The following GRID1 variants were observed in gnomAD, a reference collection of about 807,000 sequenced individuals.
The protein encoded by GRID1 is glutamate receptor ionotropic, delta-1.
A neutral mutation model predicts 98.0 loss-of-function variants in GRID1; 28 were observed. The ratio of observed to expected loss-of-function variants is 0.29; its 90% CI spans 0.21 to 0.39. GRID1 has a LOEUF of 0.39. Ranked by LOEUF, GRID1 falls within the 10% of genes least tolerant of loss-of-function variation. The pLI is 1.00. For synonymous variants in GRID1, 553 were observed against 538.5 expected (o/e 1.03, Z -0.37); for missense variants, 1,111 against 1,340.5 (o/e 0.83, Z 2.67).
chr10:85,694,576 AT>A (rs1412861947), intron 12 of GRID1, among the ~76,000 whole-genome samples: 1 of 91,992 alleles, frequency 1.1e-5, no homozygotes, highest in African/African-American at 7.6e-5. Context: ...ATATATATAT[AT>A]ATATATATAT....
intron 12 of GRID1, among the ~76,000 whole-genome samples, chr10:85,693,846 G>C (rs1268949980): frequency 6.6e-6 from 1 of 152,086 alleles, no homozygotes; most frequent in Non-Finnish European, 1.5e-5. Flanking sequence ...AGAAAACCAA[G>C]GGCAAACCAG....
At chr10:85,742,121 C>T (rs936784267) in intron 8 of GRID1, among the ~76,000 whole-genome samples, 1 of 152,222 alleles carries the variant, frequency 6.6e-6, no homozygotes, top group African/African-American at 2.4e-5. Flanking sequence ...GGGAGGATGT[C>T]TATTTTGCTC....
intron 4 of GRID1, among the ~76,000 whole-genome samples, chr10:86,024,496 T>A (rs1843090750): frequency 6.6e-6 from 1 of 152,176 alleles, no homozygotes; most frequent in Non-Finnish European, 1.5e-5. Flanking sequence ...TGGCTAAATT[T>A]TCTTGTGAGA....
intron 3 of GRID1, among the ~76,000 whole-genome samples, chr10:86,172,779 C>G (rs1845513310): frequency 6.6e-6 from 1 of 151,988 alleles, no homozygotes; most frequent in South Asian, 2.1e-4. Flanking sequence ...GGCCGTAAAA[C>G]CTAAAATAAA....
Position 86,206,471 on chromosome 10 carries a change from G to T in GRID1, c.413C>A (p.Ala138Asp). 1 of 1,614,224 alleles carries T rather than the reference G, an allele frequency of 6.2e-7. No homozygotes were observed. The highest frequency in any genetic ancestry group is 8.5e-7 in the Non-Finnish European group (1 of 1,180,040). ...CHLNPSPDGE[A>D]YTLASRPPVR... Reference sequence around the variant, plus strand: ...GGGTGGTCTCGAAGCCAGTGTGTAGGCCTCACCATCGGGGCTGGGGTTCAG... The same window carrying T: ...GGGTGGTCTCGAAGCCAGTGTGTAGTCCTCACCATCGGGGCTGGGGTTCAG... Residue 138 changes from alanine to aspartate, a missense_variant, in exon 3 of 16, where the codon GCC (alanine) becomes GAC (aspartate). By Grantham distance (126) the Ala-to-Asp change is moderately radical. This residue lies in a region of GRID1 where 346 missense variants were observed against 452.3 expected (regional missense o/e 0.76). Transcript: ENST00000327946. This position sits in a 1 kb window ranked among gnomAD's most constrained non-coding sequence, Gnocchi z 4.1.
At chr10:86,223,748 T>C (rs1292558941) in intron 2 of GRID1, among the ~76,000 whole-genome samples, 1 of 152,178 alleles carries the variant, frequency 6.6e-6, no homozygotes, top group Admixed American at 6.5e-5. Flanking sequence ...GTGACTGAGG[T>C]AGCACAGACA....
intron 2 of GRID1, among the ~76,000 whole-genome samples, chr10:86,238,010 T>C (rs61856565): frequency 1.3e-5 from 2 of 151,990 alleles, no homozygotes; most frequent in African/African-American, 4.8e-5. Flanking sequence ...TTGCCAGAGG[T>C]TGGAACAGTT....
chr10:85,816,057 C>A (rs1020708911), intron 8 of GRID1, among the ~76,000 whole-genome samples: 1 of 151,974 alleles, frequency 6.6e-6, no homozygotes, highest in African/African-American at 2.4e-5. Flanking sequence ...GCAAAAAGAA[C>A]ATGAATTCAT....
intron 4 of GRID1, among the ~76,000 whole-genome samples, chr10:85,984,449 G>A (rs1842584921): frequency 6.6e-6 from 1 of 152,200 alleles, no homozygotes; most frequent in Non-Finnish European, 1.5e-5. Context: ...CACCCTGGGT[G>A]CTGAGAGGTC....
At chr10:86,128,008 G>A (rs997671898) in intron 4 of GRID1, among the ~76,000 whole-genome samples, 6 of 152,158 alleles carry the variant, frequency 3.9e-5, no homozygotes, top group African/African-American at 1.4e-4. Flanking sequence ...CTTATGACCA[G>A]TAAATAGCCT....
chr10:86,135,206 G>A (rs935320482), intron 4 of GRID1, among the ~76,000 whole-genome samples: 19 of 152,220 alleles, frequency 1.2e-4, no homozygotes, highest in African/African-American at 4.3e-4. Flanking sequence ...ACTGTGCACT[G>A]AAGTCCCACT....
intron 4 of GRID1, among the ~76,000 whole-genome samples, chr10:86,112,056 A>T (rs564486853): frequency 5.0e-4 from 76 of 152,224 alleles, no homozygotes; most frequent in Non-Finnish European, 9.8e-4. Flanking sequence ...AGGCACTTTC[A>T]GGTGTAAGAC....
chr10:85,876,076 G>C (rs1843326942), intron 5 of GRID1, among the ~76,000 whole-genome samples: 1 of 152,234 alleles, frequency 6.6e-6, no homozygotes, highest in African/African-American at 2.4e-5. Context: ...GACATGGAAA[G>C]TAATATGGCA....
At chr10:85,650,601 A>G (rs1160911569) in intron 12 of GRID1, among the ~76,000 whole-genome samples, 1 of 152,188 alleles carries the variant, frequency 6.6e-6, no homozygotes, top group African/African-American at 2.4e-5. Context: ...AAACAATATG[A>G]GATATATTAA....
At chr10:86,259,927 C>G (rs1464576876) in intron 2 of GRID1, among the ~76,000 whole-genome samples, 1 of 152,250 alleles carries the variant, frequency 6.6e-6, no homozygotes, top group Non-Finnish European at 1.5e-5. Context: ...ACTAGGATTT[C>G]TCACTGGGGA....
chr10:85,673,701 T>C (rs541528217), intron 12 of GRID1, among the ~76,000 whole-genome samples: 1 of 152,356 alleles, frequency 6.6e-6, no homozygotes, highest in East Asian at 1.9e-4. Flanking sequence ...CTTAATAGAC[T>C]ACAGTATAAT....
intron 8 of GRID1, among the ~76,000 whole-genome samples, chr10:85,833,904 C>T (rs989115042): frequency 4.6e-5 from 7 of 152,044 alleles, no homozygotes; most frequent in Admixed American, 6.6e-5. Flanking sequence ...AACTGGAGAA[C>T]AGATGAATAA....
chr10:86,270,176 C>T (rs190914203), intron 2 of GRID1, among the ~76,000 whole-genome samples: 115 of 152,278 alleles, frequency 7.6e-4, no homozygotes, highest in African/African-American at 2.7e-3. Flanking sequence ...AAACTCTTTC[C>T]CTCACCCCTT....
At chr10:85,880,326 G>C (rs897414028) in intron 5 of GRID1, among the ~76,000 whole-genome samples, 1 of 152,062 alleles carries the variant, frequency 6.6e-6, no homozygotes, top group Non-Finnish European at 1.5e-5. Context: ...CCAAAAAAGA[G>C]AATTTTAGAC....
Sources: allele counts gnomAD v4.1 joint callset (sites outside exome capture counted in the v4.1 genomes callset), GRCh38; gene constraint gnomAD v4.1.1; regional missense constraint gnomAD v4.1.1; non-coding constraint Gnocchi (gnomAD v3.1); transcripts MANE v1.5; gene names NCBI Gene and HGNC (gene_info 2026-07-23, HGNC 2026-07-21).